LDLRAD4: variants seen among roughly 807,000 people sequenced by gnomAD.
LDLRAD4 encodes low-density lipoprotein receptor class A domain-containing protein 4.
Under a neutral mutation model 17.0 loss-of-function variants are expected in LDLRAD4, and 5 were observed. That is an observed-to-expected ratio of 0.29 (90% CI 0.15 to 0.62). The LOEUF (loss-of-function observed/expected upper bound fraction) is 0.62. LDLRAD4 is among the 20% of genes least tolerant of loss of function. The pLI, the probability that LDLRAD4 is intolerant of heterozygous loss-of-function variation, is 0.84. For missense variants in LDLRAD4, 340 were observed against 424.7 expected (o/e 0.80, Z 1.75); for synonymous variants, 168 against 171.8 (o/e 0.98, Z 0.17).
intron 1 of LDLRAD4, among the ~76,000 whole-genome samples, chr18:13,340,554 C>T (rs1224150715): frequency 2.0e-5 from 3 of 152,096 alleles, no homozygotes; most frequent in Admixed American, 2.0e-4. Context: ...AATGTCTATT[C>T]AAGTCCTTTG....
At chr18:13,375,905 TATC>T (rs2084871933) in intron 1 of LDLRAD4, among the ~76,000 whole-genome samples, 2 of 152,202 alleles carry the variant, frequency 1.3e-5, no homozygotes, top group Non-Finnish European at 2.9e-5. Flanking sequence ...ATTTGTTAAT[TATC>T]TAGTTTTTAA....
At chr18:13,223,618 A>C (rs1056531597) in intron 1 of LDLRAD4, among the ~76,000 whole-genome samples, 37 of 152,182 alleles carry the variant, frequency 2.4e-4, no homozygotes, top group African/African-American at 8.7e-4. Flanking sequence ...CAGCCGCTGG[A>C]GAGGCTGTAG....
chr18:13,353,202 G>A (rs574835909), intron 1 of LDLRAD4, among the ~76,000 whole-genome samples: 44 of 151,990 alleles, frequency 2.9e-4, no homozygotes, highest in East Asian at 2.3e-3. Flanking sequence ...TTTTAAAATG[G>A]AAAATTAGGC....
chr18:13,330,732 A>G (rs1195798820), intron 1 of LDLRAD4, among the ~76,000 whole-genome samples: 1 of 152,222 alleles, frequency 6.6e-6, no homozygotes, highest in Non-Finnish European at 1.5e-5. Flanking sequence ...GGCAGCCCGT[A>G]GATAGCTCCA....
intron 1 of LDLRAD4, among the ~76,000 whole-genome samples, chr18:13,285,020 A>G (rs1459231663): frequency 2.0e-5 from 3 of 152,150 alleles, no homozygotes; most frequent in Non-Finnish European, 2.9e-5. Flanking sequence ...ACGTCCTGAC[A>G]TTGGTTGGGG....
intron 2 of LDLRAD4, among the ~76,000 whole-genome samples, chr18:13,436,281 AT>A (rs1295207865): frequency 6.6e-6 from 1 of 152,228 alleles, no homozygotes; most frequent in Non-Finnish European, 1.5e-5. Flanking sequence ...GAAGCGGCTA[AT>A]ATATTGGTTA....
chr18:13,526,086 C>T (rs1373039076), intron 3 of LDLRAD4: 4 of 152,120 alleles, frequency 2.6e-5, no homozygotes, highest in South Asian at 2.1e-4. Context: ...GAGCTAATTT[C>T]CTGTGGGAAT....
chr18:13,365,125 C>T (rs979090335), intron 1 of LDLRAD4, among the ~76,000 whole-genome samples: 2 of 152,180 alleles, frequency 1.3e-5, no homozygotes, highest in Non-Finnish European at 2.9e-5. Flanking sequence ...ATCAGAAATG[C>T]GTTTGCATTG....
intron 2 of LDLRAD4, among the ~76,000 whole-genome samples, chr18:13,409,022 G>A (rs994785625): frequency 5.9e-5 from 9 of 152,146 alleles, no homozygotes; most frequent in Non-Finnish European, 1.2e-4. Flanking sequence ...ATCTTACTGA[G>A]ACTTCAGAGG....
chr18:13,524,200 A>G (rs906802250), intron 3 of LDLRAD4, among the ~76,000 whole-genome samples: 1 of 152,222 alleles, frequency 6.6e-6, no homozygotes, highest in Non-Finnish European at 1.5e-5. Context: ...GCCCTGCTGC[A>G]TGATAGAGAA....
intron 3 of LDLRAD4, among the ~76,000 whole-genome samples, chr18:13,463,711 G>T (rs376601559): frequency 5.9e-5 from 9 of 152,168 alleles, no homozygotes; most frequent in African/African-American, 2.2e-4. Flanking sequence ...CACAGAAAGA[G>T]CCCTGCATGA....
chr18:13,626,261 T>C (rs2041160731), intron 4 of LDLRAD4, among the ~76,000 whole-genome samples: 1 of 152,198 alleles, frequency 6.6e-6, no homozygotes, highest in Non-Finnish European at 1.5e-5. Context: ...TAGATTTCTT[T>C]TCATTATCTT....
At chr18:13,430,136 C>G (rs1229312317) in intron 2 of LDLRAD4, among the ~76,000 whole-genome samples, 1 of 152,198 alleles carries the variant, frequency 6.6e-6, no homozygotes, top group Non-Finnish European at 1.5e-5. Context: ...AGGATAAATG[C>G]TGCCAGGCAC....
intron 3 of LDLRAD4, chr18:13,616,019 C>A (rs2040031445): frequency 1.3e-5 from 2 of 152,182 alleles, no homozygotes; most frequent in African/African-American, 4.8e-5. Flanking sequence ...TTTTTCTAAA[C>A]TTTCTGTTTT....
intron 3 of LDLRAD4, among the ~76,000 whole-genome samples, chr18:13,544,863 G>A (rs1023048027): frequency 1.4e-4 from 21 of 147,282 alleles, no homozygotes; most frequent in African/African-American, 5.3e-4. Context: ...AAGGTTAGAC[G>A]TCATGGCAGG....
chr18:13,275,911 C>G (rs2044836427), upstream of LDLRAD4, among the ~76,000 whole-genome samples: 1 of 152,216 alleles, frequency 6.6e-6, no homozygotes, highest in African/African-American at 2.4e-5. Context: ...GTAGATGAGG[C>G]AGGGCAGAGG....
chr18:13,424,149 AAAG>A lies in LDLRAD4; in HGVS notation c.41-14092_41-14090del, dbSNP rs1354143254. Among the ~76,000 whole-genome samples, 793 of 143,580 alleles carry A rather than the reference AAAG, an allele frequency of 5.5e-3. 3 individuals carry two copies. Among genetic ancestry groups the A allele is most frequent in the Non-Finnish European group, 8.5e-3 (557 of 65,602 alleles). 94.2% of individuals were successfully genotyped at this position (143,580 alleles called of 152,430 possible). Reference sequence around the variant, plus strand: ...AAACTCCATCTCAAAGAAAAAAAAGAAAGAAAAAAAAAAACTTCCAGTGTTTTA... The same window carrying A: ...AAACTCCATCTCAAAGAAAAAAAAGAAAAAAAAAAAACTTCCAGTGTTTTA... On this transcript the variant is annotated intron_variant, in intron 2 of 5. Coordinates refer to ENST00000359446, the Ensembl canonical transcript of LDLRAD4.
intron 3 of LDLRAD4, among the ~76,000 whole-genome samples, chr18:13,516,532 C>T (rs1459018831): frequency 6.6e-6 from 1 of 152,214 alleles, no homozygotes; most frequent in Non-Finnish European, 1.5e-5. Flanking sequence ...AATGTGTGTA[C>T]ATCGTGTGGC....
intron 3 of LDLRAD4, among the ~76,000 whole-genome samples, chr18:13,518,993 C>T (rs927985331): frequency 1.3e-5 from 2 of 152,140 alleles, no homozygotes; most frequent in South Asian, 4.1e-4. Context: ...CAGCAGTGTT[C>T]GTTGTGGGAG....
Sources: allele counts gnomAD v4.1 joint callset (sites outside exome capture counted in the v4.1 genomes callset), GRCh38; gene constraint gnomAD v4.1.1; transcripts MANE v1.5; gene names NCBI Gene and HGNC (gene_info 2026-07-23, HGNC 2026-07-21).